BMAL2: variants seen among roughly 807,000 people sequenced by gnomAD.
BMAL2 encodes basic helix-loop-helix ARNT like 2.
the BMAL2 span, among the ~76,000 whole-genome samples, chr12:27,419,602 A>G: frequency 1.3e-5 from 2 of 152,246 alleles, no homozygotes; most frequent in Non-Finnish European, 2.9e-5. Context: ...TTAGTGGACA[A>G]ATTCAAACTA....
At chr12:27,396,737 C>T in the BMAL2 span, among the ~76,000 whole-genome samples, 1 of 152,216 alleles carries the variant, frequency 6.6e-6, no homozygotes, top group Non-Finnish European at 1.5e-5. Flanking sequence ...CCTGGAACCA[C>T]ATATTCACTT....
the BMAL2 span, chr12:27,387,450 A>G: frequency 3.1e-6 from 2 of 651,120 alleles, no homozygotes; most frequent in Non-Finnish European, 5.4e-6. Context: ...TTAGAACTCC[A>G]AGAGAGATGG....
the BMAL2 span, among the ~76,000 whole-genome samples, chr12:27,355,730 A>G: frequency 6.6e-6 from 1 of 152,234 alleles, no homozygotes; most frequent in Non-Finnish European, 1.5e-5. Context: ...CTTGGAATCT[A>G]GCAGTGTGTG....
At chr12:27,390,258 A>C in the BMAL2 span, 1 of 1,609,676 alleles carries the variant, frequency 6.2e-7, no homozygotes, top group Non-Finnish European at 8.5e-7. Context: ...TTGAAATGTC[A>C]AGTGATGCAA....
the BMAL2 span, chr12:27,368,247 C>T: frequency 1.9e-6 from 3 of 1,613,138 alleles, no homozygotes; most frequent in African/African-American, 2.7e-5. Flanking sequence ...TCTTGTTGTA[C>T]TCTGCTGCCC....
chr12:27,387,271 A>G, the BMAL2 span: 62,636 of 1,610,226 alleles, frequency 0.039, 1,476 homozygotes, highest in Non-Finnish European at 0.045. Flanking sequence ...GAAAGAGGAA[A>G]AATTCTCTTC....
chr12:27,383,483 C>T, the BMAL2 span, among the ~76,000 whole-genome samples: 3,457 of 152,222 alleles, frequency 0.023, 129 homozygotes, highest in African/African-American at 0.079. Context: ...TACTGGCCAG[C>T]CTCTACCATG....
At chr12:27,405,600 G>A in the BMAL2 span, among the ~76,000 whole-genome samples, 7 of 152,156 alleles carry the variant, frequency 4.6e-5, no homozygotes, top group South Asian at 2.1e-4. Flanking sequence ...CCATCTGTAC[G>A]TCACCATCAT....
the BMAL2 span, among the ~76,000 whole-genome samples, chr12:27,408,468 T>C: frequency 1.9e-3 from 290 of 152,274 alleles, 2 homozygotes; most frequent in African/African-American, 6.7e-3. Flanking sequence ...TAATCCAGCA[T>C]ATAAACAGAA....
At chr12:27,400,471 A>T in the BMAL2 span, 20 of 1,341,732 alleles carry the variant, frequency 1.5e-5, no homozygotes, top group African/African-American at 2.6e-4. Context: ...AGATGTCAAT[A>T]TAAGAAATTT....
chr12:27,393,444 T>C, the BMAL2 span, among the ~76,000 whole-genome samples: 27,026 of 152,178 alleles, frequency 0.18, 3,253 homozygotes, highest in African/African-American at 0.34. Context: ...GCTGATGCTG[T>C]TAATCCAGAG....
At chr12:27,360,811 A>AAAAAAAAAAAAAAAAAAAAAAAAAAC in the BMAL2 span, among the ~76,000 whole-genome samples, 1 of 148,534 alleles carries the variant, frequency 6.7e-6, no homozygotes, top group Admixed American at 6.8e-5. Flanking sequence ...TCCAAAAAAA[A>AAAAAAAAAAAAAAAAAAAAAAAAAAC]AAAAAAAAAA....
chr12:27,338,443 T>A, the BMAL2 span, among the ~76,000 whole-genome samples: 1 of 150,690 alleles, frequency 6.6e-6, no homozygotes, highest in South Asian at 2.1e-4. Flanking sequence ...TTAGTATCGA[T>A]GGAAAGACAA....
the BMAL2 span, among the ~76,000 whole-genome samples, chr12:27,374,216 A>G: frequency 5.9e-5 from 9 of 152,158 alleles, no homozygotes; most frequent in African/African-American, 2.2e-4. Context: ...ACATACATAT[A>G]TATAGTCAGT....
the BMAL2 span, among the ~76,000 whole-genome samples, chr12:27,342,516 G>A: frequency 6.6e-6 from 1 of 152,132 alleles, no homozygotes; most frequent in Non-Finnish European, 1.5e-5. Context: ...TTGACAGAGG[G>A]CATTATCAAT....
chr12:27,404,782 G>A, the BMAL2 span, among the ~76,000 whole-genome samples: 326 of 152,300 alleles, frequency 2.1e-3, 2 homozygotes, highest in Admixed American at 6.1e-3. Context: ...CGCACCAAGC[G>A]TGAGCCGAAG....
the BMAL2 span, chr12:27,421,707 G>A: frequency 6.6e-5 from 10 of 152,146 alleles, no homozygotes; most frequent in African/African-American, 2.4e-4. Context: ...AACATACTTA[G>A]GGATAGATTT....
chr12:27,372,734 C>T, the BMAL2 span, among the ~76,000 whole-genome samples: 8 of 152,014 alleles, frequency 5.3e-5, no homozygotes, highest in Admixed American at 1.3e-4. Flanking sequence ...AGTGCAGTGG[C>T]GTGATCTCGG....
At chr12:27,348,501 C>CA in the BMAL2 span, among the ~76,000 whole-genome samples, 1 of 151,946 alleles carries the variant, frequency 6.6e-6, no homozygotes, top group Non-Finnish European at 1.5e-5. Flanking sequence ...GACAACATAA[C>CA]AAAGCAGTGC....
Sources: allele counts gnomAD v4.1 joint callset (sites outside exome capture counted in the v4.1 genomes callset), GRCh38; gene constraint gnomAD v4.1.1; transcripts MANE v1.5; gene names NCBI Gene and HGNC (gene_info 2026-07-23, HGNC 2026-07-21).